PCDHGA6: variants seen among roughly 807,000 people sequenced by gnomAD.
PCDHGA6 encodes protocadherin gamma-A6.
A neutral mutation model predicts 60.6 loss-of-function variants in PCDHGA6; 41 were observed. The ratio of observed to expected loss-of-function variants is 0.68; its 90% confidence interval spans 0.53 to 0.88. PCDHGA6 has a LOEUF of 0.88. Ranked by LOEUF, PCDHGA6 falls within the 40% of genes least tolerant of loss-of-function variation. PCDHGA6 has a pLI of 0.00. For synonymous variants in PCDHGA6, 594 were observed against 524.4 expected (o/e 1.13, Z -1.81); for missense variants, 1,312 against 1,203.0 (o/e 1.09, Z -1.34).
intron 1 of PCDHGA6, chr5:141,405,577 T>C (rs1034475748): frequency 1.0e-5 from 6 of 597,580 alleles, no homozygotes; most frequent in Non-Finnish European, 1.8e-5. Context: ...GTAGAGTAGC[T>C]GGGACTACAG....
intron 1 of PCDHGA6, among the ~76,000 whole-genome samples, chr5:141,430,101 G>C (rs918427744): frequency 6.6e-6 from 1 of 152,036 alleles, no homozygotes; most frequent in African/African-American, 2.4e-5. Context: ...ATTTTTAAGC[G>C]TTACATGTCA....
chr5:141,403,856 T>A, intron 1 of PCDHGA6: 1 of 1,613,604 alleles, frequency 6.2e-7, no homozygotes, highest in Non-Finnish European at 8.5e-7. Context: ...TGGGGAAATA[T>A]CAACAGCAAA....
chr5:141,460,649 A>G (rs1171722531), intron 1 of PCDHGA6, among the ~76,000 whole-genome samples: 2 of 152,152 alleles, frequency 1.3e-5, no homozygotes, highest in Non-Finnish European at 2.9e-5. Flanking sequence ...GTGTTTACAC[A>G]TATGTAACTG....
intron 1 of PCDHGA6, chr5:141,390,888 G>A (rs1420100403): frequency 6.7e-6 from 1 of 149,538 alleles, no homozygotes; most frequent in African/African-American, 2.4e-5. Context: ...GTGTGTGTGT[G>A]AGAGAGATCC....
In PCDHGA6 at chr5:141,374,714, G is replaced by C. The variant is rs1236113306; in HGVS notation, c.631G>C (p.Val211Leu). The C allele has an allele frequency of 1.2e-6, 2 of 1,609,850 alleles. No individual in the cohort carries two copies. The highest frequency in any genetic ancestry group is 2.2e-5 in the South Asian group (2 of 90,510). ...GGAAGGAGAAGCCGTTTACCGCCTG[G>C]TCCTTACTGCCATGGATGGCGGCGA... ...DREGEAVYRL[V>L]LTAMDGGDPV... The change falls in exon 1 of 4, where the codon GTC becomes CTC. Residue 211 changes from valine to leucine, a missense_variant. Val to Leu is a conservative substitution (Grantham distance 32). Transcript: ENST00000517434.
chr5:141,507,263 T>C (rs755395344), intron 3 of PCDHGA6: 1 of 152,038 alleles, frequency 6.6e-6, no homozygotes, highest in Non-Finnish European at 1.5e-5. Flanking sequence ...AAACAGCAAG[T>C]ACTATTTCAG....
Position 141,422,522 on chromosome 5 carries a change from C to T in PCDHGA6, c.2424+46015C>T, listed in dbSNP as rs767482856. On this transcript the variant is annotated intron_variant, in intron 1 of 3. Coordinates refer to ENST00000517434, the MANE Select transcript of PCDHGA6 (RefSeq NM_018919.3). Reference sequence around the variant, plus strand: ...ACAGCCACAGACCAGGGAAGCCCGCCTTTGTCTGCAGAAACTCATGTCTGG... The same window carrying T: ...ACAGCCACAGACCAGGGAAGCCCGCTTTTGTCTGCAGAAACTCATGTCTGG... 11 of 1,614,014 alleles carry T rather than the reference C, an allele frequency of 6.8e-6. No homozygotes were observed. In the South Asian group the frequency reaches 1.1e-4, roughly 16 times the overall value.
chr5:141,417,942 C>A (rs1324501154), intron 1 of PCDHGA6: 19 of 1,613,208 alleles, frequency 1.2e-5, no homozygotes, highest in Non-Finnish European at 1.5e-5. Flanking sequence ...TTCTACCCCA[C>A]GCTGTGTGAG....
At chr5:141,412,479 T>G (rs1282087411) in intron 1 of PCDHGA6, 1 of 152,180 alleles carries the variant, frequency 6.6e-6, no homozygotes, top group African/African-American at 2.4e-5. Context: ...TTTAAAAACC[T>G]CTTACACAAT....
At chr5:141,395,078 G>C in intron 1 of PCDHGA6, 1 of 1,614,126 alleles carries the variant, frequency 6.2e-7, no homozygotes, top group Non-Finnish European at 8.5e-7. Flanking sequence ...CCTATTCCCA[G>C]GAAGTCTCCC....
intron 1 of PCDHGA6, chr5:141,428,653 T>A (rs952656382): frequency 1.8e-5 from 3 of 167,524 alleles, no homozygotes; most frequent in Admixed American, 1.1e-4. Flanking sequence ...TCACGTGAGT[T>A]CCAATGAATG....
In PCDHGA6 at chr5:141,388,623, T is replaced by C. The variant is rs767536532; in HGVS notation, c.2424+12116T>C. On this transcript the variant is annotated intron_variant, in intron 1 of 3. Transcript: ENST00000517434. Reference sequence around the variant, plus strand: ...TGCTCCAGTGTTCAGTCAAGACGTATACAGGGTGAGCCTTTCAGAAAACGT... The same window carrying C: ...TGCTCCAGTGTTCAGTCAAGACGTACACAGGGTGAGCCTTTCAGAAAACGT... 3.6e-5 allele frequency: 58 copies of C among 1,613,846 alleles called. No individual in the cohort carries two copies. The highest frequency in any genetic ancestry group is 4.8e-5 in the Non-Finnish European group (57 of 1,179,886).
At chr5:141,428,320 T>G in intron 1 of PCDHGA6, 2 of 650,176 alleles carry the variant, frequency 3.1e-6, no homozygotes, top group Non-Finnish European at 5.5e-6. Context: ...GGCCTTGGCC[T>G]TGATTTCTAT....
chr5:141,427,936 G>A, intron 1 of PCDHGA6: 1 of 1,584,966 alleles, frequency 6.3e-7, no homozygotes, highest in Admixed American at 1.7e-5. Context: ...ATGTTGGTGG[G>A]CGACCTCAAT....
At position 141,476,033 on chromosome 5, in the gene PCDHGA6, C is replaced by T; in HGVS notation, c.2425-18774C>T. On this transcript the variant is annotated intron_variant, in intron 1 of 3. Transcript: ENST00000517434. The surrounding 1 kb of genome is among the most constrained non-coding windows in gnomAD (Gnocchi z 7.6). The stretch of plus-strand genomic sequence containing the variant: ...GCCATGTCGGACTCGGCGCCCAGCG[C>T]CCAAGCGCTAACCCGCTGAAAGTTT... 6.8e-7 allele frequency: 1 copy of T among 1,469,590 alleles called. No individual in the cohort carries two copies. Among genetic ancestry groups the T allele is most frequent in the Non-Finnish European group, 9.0e-7 (1 of 1,105,326 alleles). 91.0% of individuals were successfully genotyped at this position (1,469,590 alleles called of 1,614,324 possible). A position where few individuals can be genotyped will look rare whatever the true frequency, so the allele number is the denominator to read the frequency against.
chr5:141,489,080 C>CCCA lies in PCDHGA6; in HGVS notation c.2425-5727_2425-5726insCCA. On this transcript the variant is annotated intron_variant, in intron 1 of 3. Coordinates refer to ENST00000517434, the MANE Select transcript of PCDHGA6 (RefSeq NM_018919.3). This position sits in a 1 kb window ranked among gnomAD's most constrained non-coding sequence, Gnocchi z 4.5. ...TCCCCTCCCCCCTGCCCACCCCCGC[C>CCCA]ACTCGGTGACTAAGAACTGCTGCAA... 3.0e-6 allele frequency: 1 copy of CCCA among 336,172 alleles called. No individual in the cohort carries two copies. The highest frequency in any genetic ancestry group is 5.5e-5 in the East Asian group (1 of 18,342). 20.8% of individuals were successfully genotyped at this position (336,172 alleles called of 1,614,324 possible).
chr5:141,393,615 G>A (rs1168568292), intron 1 of PCDHGA6: 1 of 1,613,928 alleles, frequency 6.2e-7, no homozygotes, highest in South Asian at 1.1e-5. Context: ...AACAGCCAGC[G>A]ACCCGGATGA....
chr5:141,511,265 A>G lies in PCDHGA6; in HGVS notation c.*92A>G. On this transcript the variant is annotated 3_prime_UTR_variant, in exon 4 of 4. Coordinates refer to ENST00000517434, the MANE Select transcript of PCDHGA6 (RefSeq NM_018919.3). ...ACCCAGGCCTCAGAGTTTCAGGGCT[A>G]ACCCCCAGAATACTGGTAGGGGCCA... The G allele has an allele frequency of 6.4e-7, 1 of 1,551,730 alleles. No individual in the cohort carries two copies. Among genetic ancestry groups the G allele is most frequent in the South Asian group, 1.2e-5 (1 of 83,132 alleles).
chr5:141,467,602 A>G (rs981250164), intron 1 of PCDHGA6, among the ~76,000 whole-genome samples: 3 of 152,216 alleles, frequency 2.0e-5, no homozygotes, highest in Non-Finnish European at 4.4e-5. Flanking sequence ...TAAGCACTTC[A>G]TCTTTGTCCC....
Sources: gnomAD v4.1 joint callset for allele counts (sites outside exome capture counted in the v4.1 genomes callset) on GRCh38, gnomAD v4.1.1 for gene constraint, Gnocchi (gnomAD v3.1) non-coding constraint, MANE v1.5 for transcripts, NCBI Gene and HGNC (gene_info 2026-07-23, HGNC 2026-07-21) for gene names.